RBM17: variants seen among roughly 807,000 people sequenced by gnomAD.
RBM17 encodes the protein splicing factor 45.
Under a neutral mutation model 53.2 loss-of-function variants are expected in RBM17, and 7 were observed. That is an observed-to-expected ratio of 0.13 (90% CI 0.07 to 0.25). RBM17 has a LOEUF of 0.25. Among genes scored for constraint, RBM17 ranks in the 10% least tolerant of loss-of-function variants. The pLI is 1.00. For missense variants in RBM17, 257 were observed against 496.7 expected (o/e 0.52, Z 4.59); for synonymous variants, 167 against 178.1 (o/e 0.94, Z 0.50).
intron 5 of RBM17, among the ~76,000 whole-genome samples, chr10:6,107,479 C>CTTTTTTTTTTTTTTTTTTTT (rs71390124): frequency 5.3e-5 from 3 of 56,598 alleles, no homozygotes; most frequent in African/African-American, 2.0e-4. Flanking sequence ...CACCCGGCCT[C>CTTTTTTTTTTTTTTTTTTTT]TTTTTTTTTT....
intron 2 of RBM17, among the ~76,000 whole-genome samples, chr10:6,098,435 A>G (rs1840611715): frequency 2.6e-5 from 4 of 152,040 alleles, no homozygotes; most frequent in Admixed American, 2.0e-4. Context: ...CGGGCAGGGG[A>G]GGGAGGGAAG....
At chr10:6,104,506 T>C (rs1312192374) in intron 3 of RBM17, among the ~76,000 whole-genome samples, 1 of 152,242 alleles carries the variant, frequency 6.6e-6, no homozygotes, top group African/African-American at 2.4e-5. Context: ...CTGAAGTTAT[T>C]CTGTTAAAAT....
intron 1 of RBM17, among the ~76,000 whole-genome samples, chr10:6,095,657 C>T (rs1045035754): frequency 6.6e-6 from 1 of 152,058 alleles, no homozygotes; most frequent in Non-Finnish European, 1.5e-5. Flanking sequence ...TGAGGGTTCA[C>T]GTATGAAGGA....
chr10:6,110,851 A>T (rs1840826655), intron 7 of RBM17, among the ~76,000 whole-genome samples: 1 of 152,214 alleles, frequency 6.6e-6, no homozygotes, highest in Non-Finnish European at 1.5e-5. Flanking sequence ...CTCAGTGACC[A>T]CATGCAAGTG....
intron 6 of RBM17, among the ~76,000 whole-genome samples, chr10:6,109,565 C>G (rs1422052657): frequency 6.6e-6 from 1 of 152,096 alleles, no homozygotes; most frequent in African/African-American, 2.4e-5. Flanking sequence ...ACCTCGGACA[C>G]CTTTGTGGGC....
intron 2 of RBM17, 93 bp downstream of exon 2, chr10:6,097,281 C>A: frequency 7.7e-7 from 1 of 1,293,598 alleles, no homozygotes; most frequent in South Asian, 1.3e-5. Context: ...GCTCTTCTGC[C>A]TTTGTATTGG....
At chr10:6,090,842 G>C (rs1840470673) in intron 1 of RBM17, among the ~76,000 whole-genome samples, 1 of 148,782 alleles carries the variant, frequency 6.7e-6, no homozygotes, top group Non-Finnish European at 1.5e-5. Flanking sequence ...AAGGGCGTCA[G>C]ATGGAGGTAT....
chr10:6,108,128 A>AATATGTGT (rs1840782460), intron 5 of RBM17, among the ~76,000 whole-genome samples: 2 of 152,112 alleles, frequency 1.3e-5, no homozygotes, highest in African/African-American at 4.8e-5. Flanking sequence ...CACGCTTTCA[A>AATATGTGT]ATATGTGTTT....
chr10:6,104,039 ATTG>A (rs1299762890), intron 3 of RBM17, among the ~76,000 whole-genome samples: 1 of 152,212 alleles, frequency 6.6e-6, no homozygotes, highest in East Asian at 1.9e-4. Context: ...AAGGCATCTT[ATTG>A]TTACAGATAA....
chr10:6,095,922 A>G (rs865975721), intron 1 of RBM17, among the ~76,000 whole-genome samples: 2 of 152,142 alleles, frequency 1.3e-5, no homozygotes, highest in African/African-American at 2.4e-5. Context: ...TAAGGAGGGT[A>G]TGTGTTAAAT....
intron 2 of RBM17, among the ~76,000 whole-genome samples, chr10:6,098,556 G>GGTTTTTTTTTTTTTTTTTT (rs1840613398): frequency 1.1e-5 from 1 of 87,976 alleles, no homozygotes; most frequent in African/African-American, 4.0e-5. Context: ...TAATACACAG[G>GGTTTTTTTTTTTTTTTTTT]TTTTTTGTTT....
chr10:6,094,324 T>C (rs552716015), intron 1 of RBM17, among the ~76,000 whole-genome samples: 2 of 152,244 alleles, frequency 1.3e-5, no homozygotes, highest in South Asian at 4.1e-4. Flanking sequence ...CTCGGAACGT[T>C]TTAGGTTTTG....
chr10:6,091,222 C>A (rs1460042962), intron 1 of RBM17, among the ~76,000 whole-genome samples: 1 of 151,746 alleles, frequency 6.6e-6, no homozygotes, highest in Non-Finnish European at 1.5e-5. Context: ...CCATGCTCGG[C>A]CAATTTTTGT....
chr10:6,100,426 C>T (rs766832958), intron 2 of RBM17, among the ~76,000 whole-genome samples: 8 of 152,150 alleles, frequency 5.3e-5, no homozygotes, highest in African/African-American at 1.9e-4. Flanking sequence ...ACCCTGAATT[C>T]GATCAGGCCT....
chr10:6,101,513 C>G (rs1840669492), intron 3 of RBM17, 126 bp downstream of exon 3: 1 of 453,228 alleles, frequency 2.2e-6, no homozygotes, highest in South Asian at 5.9e-5. Context: ...GTATCATTTT[C>G]CACCTAATTT....
intron 10 of RBM17, chr10:6,114,874 T>A (rs1366457398): frequency 4.8e-6 from 1 of 209,316 alleles, no homozygotes; most frequent in Non-Finnish European, 9.5e-6. Context: ...TGAGACCTGA[T>A]GTGAAAGGCC....
intron 2 of RBM17, among the ~76,000 whole-genome samples, chr10:6,098,981 T>C (rs1364191360): frequency 1.3e-5 from 2 of 152,234 alleles, no homozygotes; most frequent in Admixed American, 1.3e-4. Context: ...TTTTTAAAAT[T>C]CATCATTACC....
In RBM17 at chr10:6,106,387, TCA is replaced by T. The variant is rs1414608160; in HGVS notation, c.505+152_505+153del. ...GGAATCCCAGCAATACACATTTGCGTCACAGTTTTAATTTATATTGGGTTTTC... is the reference window on the plus strand; with the variant it reads ...GGAATCCCAGCAATACACATTTGCGTCAGTTTTAATTTATATTGGGTTTTC... On this transcript the variant is annotated intron_variant, in intron 5 of 11. Transcript: ENST00000379888. 2.2e-5 allele frequency: 13 copies of T among 591,858 alleles called. No individual in the cohort carries two copies. In the East Asian group the frequency reaches 3.8e-4, roughly 17 times the overall value. 36.7% of individuals were successfully genotyped at this position (591,858 alleles called of 1,614,324 possible).
chr10:6,093,168 G>T (rs1447437422), intron 1 of RBM17, among the ~76,000 whole-genome samples: 1 of 152,068 alleles, frequency 6.6e-6, no homozygotes, highest in Admixed American at 6.5e-5. Context: ...CCTCTCTGGG[G>T]GTTACTTCCT....
Sources: gnomAD v4.1 joint callset for allele counts (sites outside exome capture counted in the v4.1 genomes callset) on GRCh38, gnomAD v4.1.1 for gene constraint, MANE v1.5 for transcripts, NCBI Gene and HGNC (gene_info 2026-07-23, HGNC 2026-07-21) for gene names.